Variants in GOT1L1 observed in about 807,000 individuals in gnomAD.
GOT1L1 encodes the protein glutamic-oxaloacetic transaminase 1 like 1.
In GOT1L1, 38 loss-of-function variants were observed where a neutral mutation model predicts 43.6. That is an observed-to-expected ratio of 0.87 (90% CI 0.67 to 1.14). The LOEUF (loss-of-function observed/expected upper bound fraction) is 1.14, where lower values mean the gene tolerates loss of function less well. Among genes scored for constraint, GOT1L1 ranks in the 50% most tolerant of loss-of-function variants. The probability of loss-of-function intolerance (pLI) is 0.00; values close to 1 mark genes in which losing one functional copy is unlikely to be tolerated. For synonymous variants in GOT1L1, 183 were observed against 187.2 expected, an observed-to-expected ratio of 0.98 and a Z score of 0.18; for missense variants, 482 against 504.0, an observed-to-expected ratio of 0.96 and a Z score of 0.42.
At chr8:37,938,227 T>C (rs1280900412) in intron 2 of GOT1L1, among the ~76,000 whole-genome samples, 2 of 152,210 alleles carry the variant, frequency 1.3e-5, no homozygotes, top group African/African-American at 4.8e-5. Flanking sequence ...TGAAACCCTG[T>C]CTCTACAAAA....
At chr8:37,938,560 T>C (rs971340175) in intron 2 of GOT1L1, 140 bp downstream of exon 2, 7 of 686,922 alleles carry the variant, frequency 1.0e-5, no homozygotes, top group African/African-American at 1.8e-5. Flanking sequence ...GGCTAAGGAC[T>C]TGTGGACTCT....
rs142930483 is a variant in GOT1L1 at position 37,938,645 on chromosome 8, C to G, written c.297+55G>C. On this transcript the variant is annotated intron_variant, in intron 2 of 8. Transcript: ENST00000307599. The stretch of plus-strand genomic sequence containing the variant: ...CCCTTCGGGTTTAAGGTTGTGCAGA[C>G]CCAGATCGCCACTCTCTGTGTCTAA... 142 of 1,484,986 alleles carry G rather than the reference C, an allele frequency of 9.6e-5. 2 individuals are homozygous for G. The East Asian group carries it at 3.5e-3, about 36-fold the overall frequency. The allele number at this position is 1,484,986 out of a possible 1,614,324, so 92.0% of individuals were successfully genotyped here.
chr8:37,939,437 T>A (rs1214813214), intron 1 of GOT1L1, among the ~76,000 whole-genome samples: 1,191 of 22,856 alleles, frequency 0.052, 56 homozygotes, highest in African/African-American at 0.22. Context: ...AAAAAATATA[T>A]ATATATATAT....
Position 37,937,325 on chromosome 8 carries a change from G to T in GOT1L1, c.471C>A (p.Asp157Glu). The change falls in exon 4 of 9, where the codon GAC (aspartate) becomes GAA (glutamate). Residue 157 changes from aspartate (D) to glutamate (E), a missense_variant. By Grantham distance (45) the Asp-to-Glu change is conservative. Transcript: ENST00000307599. ...GFTVYEYSVWDPKKLCMDPDI... is the reference protein window; with the variant it reads ...GFTVYEYSVWEPKKLCMDPDI... ...CGGGGTCCATGCATAGCTTCTTGGG[G>T]TCCCAGACAGAGTATTCATAAACTG... 4 of 1,610,750 alleles carry T rather than the reference G, an allele frequency of 2.5e-6. No individual in the cohort carries two copies. The highest frequency in any genetic ancestry group is 3.4e-6 in the Non-Finnish European group (4 of 1,178,738).
intron 1 of GOT1L1, among the ~76,000 whole-genome samples, chr8:37,939,431 A>AAAAAATATATATAT (rs1237987679): frequency 9.6e-5 from 4 of 41,710 alleles, no homozygotes; most frequent in Non-Finnish European, 1.4e-4. Flanking sequence ...AAAAAAAAAA[A>AAAAAATATATATAT]ATATATATAT....
chr8:37,937,830 G>A (rs957139437), intron 2 of GOT1L1, 81 bp from the exon 3 acceptor site: 1 of 898,790 alleles, frequency 1.1e-6, no homozygotes, highest in Non-Finnish European at 1.8e-6. Context: ...GGCTGGGGTG[G>A]GTGGATCACT....
At position 37,936,582 on chromosome 8, in the gene GOT1L1, C is replaced by T. The variant is rs1014371236; in HGVS notation, c.763+138G>A. The T allele has an allele frequency of 7.1e-6, 5 of 703,566 alleles. No individual in the cohort carries two copies. The Admixed American group carries it at 1.2e-4, about 16-fold the overall frequency. 43.6% of individuals were successfully genotyped at this position (703,566 alleles called of 1,614,324 possible). ...AACAGAACCAAATTCTAGCTCAGTG[C>T]TCCCCACTTCTGCTTCTATAGTGCT... is the stretch of plus-strand genomic sequence containing the variant. On this transcript the variant is annotated intron_variant, in intron 6 of 8. Coordinates refer to ENST00000307599, the MANE Select transcript of GOT1L1 (RefSeq NM_152413.3).
Position 37,936,821 on chromosome 8 carries a change from G to C in GOT1L1, c.662C>G (p.Thr221Ser). The change falls in exon 6 of 9, where the codon ACC becomes AGC. Residue 221 changes from threonine (T) to serine (S), a missense_variant. By Grantham distance (58) the Thr-to-Ser change is moderately conservative. Transcript: ENST00000307599. ...FFDIPCQGLY[T>S]SDLEEDTRIL... ...TCTAGTATCTTCTTCCAAGTCACTG[G>C]TGTATAAACCTTGACAGGGAATATC... is the stretch of plus-strand genomic sequence containing the variant. 6.2e-7 allele frequency: 1 copy of C among 1,611,284 alleles called. No homozygotes were observed. Among genetic ancestry groups the C allele is most frequent in the Non-Finnish European group, 8.5e-7 (1 of 1,177,550 alleles).
rs1420391033 is a variant in GOT1L1 at position 37,935,131 on chromosome 8, AG to A, written c.1013del (p.Pro338LeufsTer51). 1 of 1,613,434 alleles carries A rather than the reference AG, an allele frequency of 6.2e-7. No homozygotes were observed. The highest frequency in any genetic ancestry group is 8.5e-7 in the Non-Finnish European group (1 of 1,179,688). ...VKEKLQLLGTPGSWGHITEQS... is the reference protein window; with the variant it reads ...VKEKLQLLGTXGSWGHITEQS... Reference sequence around the variant, plus strand: ...GCTCGGTGATGTGACCCCAGGACCCAGGGGTTCCCAGGAGCTGGAGTTTCTC... The same window carrying A: ...GCTCGGTGATGTGACCCCAGGACCCAGGGTTCCCAGGAGCTGGAGTTTCTC... On this transcript the variant is annotated frameshift_variant, in exon 8 of 9. Transcript: ENST00000307599. LOFTEE classifies it high-confidence loss of function.
chr8:37,934,394 T>G lies in GOT1L1; in HGVS notation c.1165A>C (p.Asn389His). Residue 389 changes from asparagine to histidine, a missense_variant, in exon 9 of 9, where the codon AAT (asparagine) becomes CAT (histidine). Physicochemically the swap from Asn to His is moderately conservative, Grantham distance 68 (BLOSUM62 1). Coordinates refer to ENST00000307599, the MANE Select transcript of GOT1L1 (RefSeq NM_152413.3). The part of the protein sequence containing the change: ...NFSCINANNI[N>H]YITEGINEAV... ...TCATTGATGCCCTCAGTGATGTAAT[T>G]TATGTTGTTGGCATTGATACAGCTG... 1 of 1,613,544 alleles carries G rather than the reference T, an allele frequency of 6.2e-7. No individual in the cohort carries two copies. Among genetic ancestry groups the G allele is most frequent in the Non-Finnish European group, 8.5e-7 (1 of 1,179,508 alleles).
intron 2 of GOT1L1, 30 bp downstream of exon 2, chr8:37,938,670 A>C: frequency 6.5e-7 from 1 of 1,537,912 alleles, no homozygotes; most frequent in Non-Finnish European, 8.8e-7. Context: ...TCTGTGTCTA[A>C]ATGAGCCAGG....
At chr8:37,936,614 A>G in intron 6 of GOT1L1, 106 bp downstream of exon 6, 1 of 1,006,966 alleles carries the variant, frequency 9.9e-7, no homozygotes. Flanking sequence ...TGCTCTCCCT[A>G]GAGTCCTTGG....
chr8:37,938,652 C>T (rs776658122), intron 2 of GOT1L1, 48 bp downstream of exon 2: 3 of 1,492,694 alleles, frequency 2.0e-6, no homozygotes, highest in East Asian at 2.5e-5. Flanking sequence ...AGACCCAGAT[C>T]GCCACTCTCT....
intron 1 of GOT1L1, among the ~76,000 whole-genome samples, chr8:37,939,431 A>AAAAAAAAAAAAAAAT (rs1237987679): frequency 2.4e-5 from 1 of 41,696 alleles, no homozygotes; most frequent in African/African-American, 8.6e-5. Flanking sequence ...AAAAAAAAAA[A>AAAAAAAAAAAAAAAT]ATATATATAT....
intron 1 of GOT1L1, among the ~76,000 whole-genome samples, chr8:37,939,416 G>GAAAAAAAAAAAAAA (rs4058283): frequency 9.3e-5 from 2 of 21,412 alleles, no homozygotes; most frequent in African/African-American, 4.0e-4. Context: ...CCTGTCTCAA[G>GAAAAAAAAAAAAAA]AAAAAAAAAA....
chr8:37,937,445 G>A, intron 3 of GOT1L1, 59 bp from the exon 4 acceptor site: 1 of 1,211,216 alleles, frequency 8.3e-7, no homozygotes, highest in South Asian at 1.4e-5. Flanking sequence ...CGGAGACAGA[G>A]GTACTGGAGT....
chr8:37,935,727 G>T lies in GOT1L1; in HGVS notation c.906C>A (p.Cys302Ter). The T allele has an allele frequency of 6.3e-7, 1 of 1,598,858 alleles. No individual in the cohort carries two copies. The highest frequency in any genetic ancestry group is 8.5e-7 in the Non-Finnish European group (1 of 1,173,010). ...TGARVITSILCNPALLGEWKQ... is the reference protein window; with the variant it reads ...TGARVITSIL Reference sequence around the variant, plus strand: ...ACCATTCTCCCAGCAGAGCAGGGTTGCAGAGGATGGAGGTGATGACACGTG... The same window carrying T: ...ACCATTCTCCCAGCAGAGCAGGGTTTCAGAGGATGGAGGTGATGACACGTG... Residue 302 changes from cysteine (C) to a stop codon, truncating the protein, a stop_gained, in exon 7 of 9, where the codon TGC (cysteine) becomes TGA (stop). Coordinates refer to ENST00000307599, the MANE Select transcript of GOT1L1 (RefSeq NM_152413.3). LOFTEE classifies it high-confidence loss of function.
chr8:37,936,910 G>T, intron 5 of GOT1L1, 40 bp from the exon 6 acceptor site: 1 of 1,611,090 alleles, frequency 6.2e-7, no homozygotes, highest in Non-Finnish European at 8.5e-7. Flanking sequence ...TGAGACAGAT[G>T]GAGGAGAGAG....
In GOT1L1 at chr8:37,935,847, C is replaced by T. The variant is rs371031376; in HGVS notation, c.786G>A (p.Val262=). 5 of 1,613,096 alleles carry T rather than the reference C, an allele frequency of 3.1e-6. No homozygotes were observed. The African/African-American group carries it at 4.0e-5, about 13-fold the overall frequency. Residue 262 remains valine, a synonymous_variant, in exon 7 of 9, where the codon GTG becomes GTA. Coordinates refer to ENST00000307599, the MANE Select transcript of GOT1L1 (RefSeq NM_152413.3). The part of the protein sequence containing the change: ...GIYDEGVGML[V]VVAVNNQQLL... ...GCTGCTGGTTGTTGACTGCCACCAC[C>T]ACTAGCATCCCCACTCCTTCATCTG... is the stretch of plus-strand genomic sequence containing the variant.
Sources: allele counts gnomAD v4.1 joint callset (sites outside exome capture counted in the v4.1 genomes callset), GRCh38; gene constraint gnomAD v4.1.1; transcripts MANE v1.5; gene names NCBI Gene and HGNC (gene_info 2026-07-23, HGNC 2026-07-21).